NAV2: variants seen among roughly 807,000 people sequenced by gnomAD.
NAV2 encodes the protein neuron navigator 2.
NAV2 carries 54 observed loss-of-function variants against 223.2 expected under a neutral mutation model. The observed-to-expected ratio is 0.24, with a 90% CI of 0.19 to 0.30. NAV2 has a LOEUF of 0.30. NAV2 is among the 10% of genes least tolerant of loss of function. The probability of loss-of-function intolerance (pLI) is 1.00; values close to 1 mark genes in which losing one functional copy is unlikely to be tolerated. For synonymous variants in NAV2, 1,279 were observed against 1,239.3 expected, an observed-to-expected ratio of 1.03 and a Z score of -0.67; for missense variants, 2,806 against 3,147.5, an observed-to-expected ratio of 0.89 and a Z score of 2.60.
intron 1 of NAV2, among the ~76,000 whole-genome samples, chr11:19,558,884 T>A (rs1368542939): frequency 6.6e-6 from 1 of 152,152 alleles, no homozygotes; most frequent in Non-Finnish European, 1.5e-5. Context: ...TCTCAGGGTA[T>A]GTTTATGTTA....
chr11:19,968,440 G>A (rs2048955275), intron 10 of NAV2, among the ~76,000 whole-genome samples: 1 of 151,994 alleles, frequency 6.6e-6, no homozygotes. Context: ...GGCTGGTCTC[G>A]ATCTCCTGAC....
intron 19 of NAV2, among the ~76,000 whole-genome samples, chr11:20,058,247 C>T (rs551755281): frequency 2.6e-5 from 4 of 152,196 alleles, no homozygotes; most frequent in Admixed American, 6.5e-5. Flanking sequence ...GTGTATTATA[C>T]GCCATAAAGC....
intron 26 of NAV2, among the ~76,000 whole-genome samples, chr11:20,088,208 G>A (rs967503360): frequency 1.3e-5 from 2 of 152,078 alleles, no homozygotes; most frequent in Non-Finnish European, 2.9e-5. Context: ...ACTGAGTTTC[G>A]CTCTTGCCTC....
chr11:19,871,206 G>A (rs1189121857), intron 4 of NAV2, among the ~76,000 whole-genome samples: 1 of 152,072 alleles, frequency 6.6e-6, no homozygotes, highest in Non-Finnish European at 1.5e-5. Context: ...TTTTGGCCAG[G>A]ATATATAACT....
At chr11:19,940,422 C>T (rs778009338) in intron 8 of NAV2, among the ~76,000 whole-genome samples, 3 of 152,124 alleles carry the variant, frequency 2.0e-5, no homozygotes, top group Admixed American at 6.5e-5. Flanking sequence ...AAAGTCACAC[C>T]TTAATTAGAA....
chr11:20,095,743 T>A lies in NAV2; in HGVS notation c.5988T>A (p.Asp1996Glu), dbSNP rs2061212965. ...VSGKTKWDVLDGVVRRLFKEY... is the reference protein window; with the variant it reads ...VSGKTKWDVLEGVVRRLFKEY... ...GCAAGACGAAGTGGGATGTGCTCGA[T>A]GGGGTGGTTAGACGGCTGTTCAAAG... The change falls in exon 30 of 38, where the codon GAT (aspartate) becomes GAA (glutamate). Residue 1996 changes from aspartate (D) to glutamate (E), a missense_variant. This residue lies in a region of NAV2 where 824 missense variants were observed against 1,069.4 expected (regional missense o/e 0.77). Coordinates refer to ENST00000349880, the MANE Select transcript of NAV2 (RefSeq NM_145117.5). The A allele has an allele frequency of 2.5e-6, 4 of 1,613,982 alleles. No homozygotes were observed. Among genetic ancestry groups the A allele is most frequent in the Non-Finnish European group, 3.4e-6 (4 of 1,179,888 alleles).
chr11:19,857,267 A>G (rs1294975128), intron 3 of NAV2, among the ~76,000 whole-genome samples: 1 of 152,226 alleles, frequency 6.6e-6, no homozygotes, highest in Non-Finnish European at 1.5e-5. Flanking sequence ...GGGTTTAAGC[A>G]TGTAATATGG....
intron 1 of NAV2, among the ~76,000 whole-genome samples, chr11:19,558,149 G>A (rs1221778526): frequency 6.6e-6 from 1 of 152,166 alleles, no homozygotes; most frequent in Non-Finnish European, 1.5e-5. Flanking sequence ...TCTCCATGGG[G>A]TTGATATGAG....
intron 1 of NAV2, among the ~76,000 whole-genome samples, chr11:19,733,044 G>T (rs1003741004): frequency 6.6e-6 from 1 of 152,252 alleles, no homozygotes; most frequent in Non-Finnish European, 1.5e-5. Flanking sequence ...GCGGCTGGGG[G>T]TGAGCCTCTC....
At chr11:19,988,343 T>A (rs1046404615) in intron 11 of NAV2, among the ~76,000 whole-genome samples, 3 of 152,214 alleles carry the variant, frequency 2.0e-5, no homozygotes, top group African/African-American at 7.2e-5. Flanking sequence ...AACTACTTGG[T>A]AACTTTCTTC....
chr11:19,604,745 T>C (rs1187131606), intron 1 of NAV2, among the ~76,000 whole-genome samples: 1 of 152,184 alleles, frequency 6.6e-6, no homozygotes, highest in African/African-American at 2.4e-5. Context: ...TCATCTTGAA[T>C]TGTAGCTCCT....
chr11:19,392,509 G>A (rs1438751084), intron 1 of NAV2, among the ~76,000 whole-genome samples: 1 of 152,100 alleles, frequency 6.6e-6, no homozygotes, highest in Non-Finnish European at 1.5e-5. Context: ...GCTACATGTG[G>A]CCTGTCCGTG....
intron 1 of NAV2, among the ~76,000 whole-genome samples, chr11:19,798,355 A>G (rs1283887404): frequency 2.0e-5 from 3 of 152,210 alleles, no homozygotes; most frequent in African/African-American, 7.2e-5. Flanking sequence ...CAGTTCTCCA[A>G]GCATCTGGCC....
chr11:19,900,802 C>T (rs2042387461), intron 6 of NAV2, among the ~76,000 whole-genome samples: 1 of 152,160 alleles, frequency 6.6e-6, no homozygotes, highest in African/African-American at 2.4e-5. Flanking sequence ...ATATAGTGGG[C>T]ATTCTATCTT....
At chr11:19,362,360 A>T (rs911940239) in intron 1 of NAV2, among the ~76,000 whole-genome samples, 2 of 152,168 alleles carry the variant, frequency 1.3e-5, no homozygotes, top group African/African-American at 4.8e-5. Context: ...TGTGTCTTTA[A>T]ATTGACTCAT....
At chr11:19,530,207 G>A (rs936470905) in intron 1 of NAV2, among the ~76,000 whole-genome samples, 2 of 152,158 alleles carry the variant, frequency 1.3e-5, no homozygotes, top group African/African-American at 2.4e-5. Context: ...TCTGTGTGGG[G>A]TGGGGTGTGA....
At chr11:20,068,248 A>G (rs1361830606) in intron 21 of NAV2, 39 bp downstream of exon 21, 3 of 1,611,762 alleles carry the variant, frequency 1.9e-6, no homozygotes, top group South Asian at 1.1e-5. Context: ...CTCTTTAAGT[A>G]TTGTCAATTA....
intron 2 of NAV2, among the ~76,000 whole-genome samples, chr11:19,837,537 A>C (rs928445465): frequency 6.6e-6 from 1 of 152,222 alleles, no homozygotes; most frequent in Non-Finnish European, 1.5e-5. Flanking sequence ...GGTGAGGGAC[A>C]GATGGACGTC....
chr11:19,399,619 T>C lies in NAV2; in HGVS notation c.75+48592T>C, dbSNP rs549144260. 2.0e-5 allele frequency among the ~76,000 whole-genome samples: 3 copies of C among 152,310 alleles called. No individual in the cohort carries two copies. The East Asian group carries it at 5.8e-4, about 29-fold the overall frequency. ...TGCCCTCAGTACTGCAGGGTTAAGATGGCAGACCCTGTGCTAAGTACTTAA... is the reference window on the plus strand; with the variant it reads ...TGCCCTCAGTACTGCAGGGTTAAGACGGCAGACCCTGTGCTAAGTACTTAA... On this transcript the variant is annotated intron_variant, in intron 1 of 37. Transcript: ENST00000360655.
Sources: allele counts gnomAD v4.1 joint callset (sites outside exome capture counted in the v4.1 genomes callset), GRCh38; gene constraint gnomAD v4.1.1; regional missense constraint gnomAD v4.1.1; transcripts MANE v1.5; gene names NCBI Gene and HGNC (gene_info 2026-07-23, HGNC 2026-07-21).